Variants in HABP4 observed in about 807,000 individuals in gnomAD.
HABP4 encodes hyaluronan binding protein 4.
HABP4 carries 32 observed loss-of-function variants against 44.1 expected under a neutral mutation model. The ratio of observed to expected loss-of-function variants is 0.73; its 90% CI spans 0.55 to 0.97. The LOEUF is 0.97. Among genes scored for constraint, HABP4 ranks in the 50% least tolerant of loss-of-function variants. HABP4 has a pLI of 0.00. For synonymous variants in HABP4, 216 were observed against 218.0 expected, an observed-to-expected ratio of 0.99 and a Z score of 0.08; for missense variants, 503 against 561.9, an observed-to-expected ratio of 0.90 and a Z score of 1.06.
In HABP4 at chr9:96,465,364, A is replaced by G. The variant is rs1336599444; in HGVS notation, c.540A>G (p.Arg180=). 1.9e-6 allele frequency: 3 copies of G among 1,610,776 alleles called. No individual in the cohort carries two copies. In the South Asian group the frequency reaches 3.3e-5, roughly 18 times the overall value. ...CAGGTGATAGGTTTGATCGAGACAG[A>G]CCGTTGAGAGGACGTGGAGGCCCGA... ...EKPGDRFDRD[R]PLRGRGGPRG... The change falls in exon 3 of 8, where the codon AGA becomes AGG. Residue 180 remains arginine (R), a synonymous_variant. Coordinates refer to ENST00000375249, the MANE Select transcript of HABP4 (RefSeq NM_014282.4).
intron 1 of HABP4, among the ~76,000 whole-genome samples, chr9:96,454,168 A>G (rs1832333428): frequency 6.6e-6 from 1 of 152,210 alleles, no homozygotes; most frequent in Non-Finnish European, 1.5e-5. Context: ...ACTTGGAGGA[A>G]GCAGAAAGGT....
At chr9:96,466,968 G>A (rs1234496924) in intron 4 of HABP4, among the ~76,000 whole-genome samples, 1 of 150,406 alleles carries the variant, frequency 6.6e-6, no homozygotes, top group African/African-American at 2.5e-5. Context: ...TGTCACCCAG[G>A]CTGGAGTGCA....
chr9:96,485,306 C>T (rs890175490), intron 6 of HABP4, among the ~76,000 whole-genome samples: 2 of 152,200 alleles, frequency 1.3e-5, no homozygotes, highest in Non-Finnish European at 2.9e-5. Context: ...CAGCCTCAGC[C>T]TTCTAAAGTG....
rs958295915 is a variant in HABP4, at chr9:96,488,012, C to T, written c.1000-77C>T. On this transcript the variant is annotated intron_variant, in intron 6 of 7. Transcript: ENST00000375249. The surrounding 1 kb of genome is among the most constrained non-coding windows in gnomAD (Gnocchi z 4.6). ...ATGGTGTTTTAGCTCCTGTGTAGCA[C>T]ACTGCAGCCACTAAGCCAGATGAGT... is the stretch of plus-strand genomic sequence containing the variant. 1 of 997,088 alleles carries T rather than the reference C, an allele frequency of 1.0e-6. No homozygotes were observed. Among genetic ancestry groups the T allele is most frequent in the Non-Finnish European group, 1.6e-6 (1 of 631,672 alleles). The allele number at this position is 997,088 out of a possible 1,614,324, so 61.8% of individuals were successfully genotyped here.
intron 1 of HABP4, among the ~76,000 whole-genome samples, chr9:96,456,031 G>T (rs1430917679): frequency 6.6e-6 from 1 of 152,030 alleles, no homozygotes; most frequent in African/African-American, 2.4e-5. Flanking sequence ...CTCCAGCCTG[G>T]GTGACAGAGC....
At chr9:96,486,179 G>A (rs1013580269) in intron 6 of HABP4, among the ~76,000 whole-genome samples, 5 of 152,076 alleles carry the variant, frequency 3.3e-5, no homozygotes, top group African/African-American at 7.2e-5. Context: ...GCAACAAAGT[G>A]AGACTTCGTC....
chr9:96,458,602 A>G (rs1035042929), intron 2 of HABP4, 61 bp downstream of exon 2: 7 of 1,095,376 alleles, frequency 6.4e-6, no homozygotes, highest in Admixed American at 2.3e-5. Context: ...AGAAAATGCT[A>G]CTTTCTTTTT....
Position 96,488,081 on chromosome 9 carries a change from T to C in HABP4, c.1000-8T>C. On this transcript the variant is annotated splice_polypyrimidine_tract_variant and splice_region_variant and intron_variant, in intron 6 of 7. Coordinates refer to ENST00000375249, the MANE Select transcript of HABP4 (RefSeq NM_014282.4). The surrounding 1 kb of genome is among the most constrained non-coding windows in gnomAD (Gnocchi z 4.6). ...TTGTGCGTGTTTGATGCTGTAATTG[T>C]GTTTCAGATGGTAAAAGATGACTAT... The C allele has an allele frequency of 6.2e-7, 1 of 1,603,188 alleles. No homozygotes were observed. Among genetic ancestry groups the C allele is most frequent in the Non-Finnish European group, 8.5e-7 (1 of 1,170,396 alleles).
intron 5 of HABP4, among the ~76,000 whole-genome samples, chr9:96,473,062 C>A (rs1832723012): frequency 6.6e-6 from 1 of 152,196 alleles, no homozygotes; most frequent in Non-Finnish European, 1.5e-5. Context: ...TCTTCAGGGC[C>A]CTGCCTTAGG....
chr9:96,480,816 T>G lies in HABP4; in HGVS notation c.828-3646T>G, dbSNP rs560985859. 1.1e-4 allele frequency among the ~76,000 whole-genome samples: 17 copies of G among 152,352 alleles called. No individual in the cohort carries two copies. The South Asian group carries it at 3.5e-3, about 32-fold the overall frequency. The stretch of plus-strand genomic sequence containing the variant: ...CATGTACTTGTGGAATCCAAACTCC[T>G]GTCGAATACAGAACATTACCAATCA... On this transcript the variant is annotated intron_variant, in intron 5 of 7. Coordinates refer to ENST00000375249, the MANE Select transcript of HABP4 (RefSeq NM_014282.4).
intron 4 of HABP4, among the ~76,000 whole-genome samples, chr9:96,467,963 G>C (rs1037695006): frequency 2.0e-5 from 3 of 152,232 alleles, no homozygotes; most frequent in Admixed American, 6.5e-5. Flanking sequence ...GCCTTGTAAT[G>C]TTAAGAGGTG....
intron 5 of HABP4, among the ~76,000 whole-genome samples, chr9:96,475,898 T>G: frequency 6.6e-6 from 1 of 152,362 alleles, no homozygotes; most frequent in African/African-American, 2.4e-5. Flanking sequence ...GATTTTCTTA[T>G]GTTTTAGGTT....
chr9:96,484,101 T>C (rs544386748), intron 5 of HABP4: 1 of 163,120 alleles, frequency 6.1e-6, no homozygotes, highest in East Asian at 1.8e-4. Flanking sequence ...AAAACTTGTT[T>C]ATGGTTTCCT....
chr9:96,451,564 T>C, intron 1 of HABP4: 1 of 669,766 alleles, frequency 1.5e-6, no homozygotes. Flanking sequence ...CTTGGCTTTA[T>C]TGGTTTGTTC....
chr9:96,468,664 C>T (rs1322583556), intron 4 of HABP4, among the ~76,000 whole-genome samples: 3 of 152,216 alleles, frequency 2.0e-5, no homozygotes, highest in African/African-American at 4.8e-5. Flanking sequence ...AGAGCTAAGA[C>T]TGCAGGCGTG....
chr9:96,456,944 TA>T (rs1249008400), intron 1 of HABP4, among the ~76,000 whole-genome samples: 3 of 151,066 alleles, frequency 2.0e-5, no homozygotes, highest in African/African-American at 7.3e-5. Context: ...TAAATGTATA[TA>T]AAAAAAGATA....
At position 96,490,113 on chromosome 9, in the gene HABP4, G is replaced by A; in HGVS notation, c.*75G>A. ...AGACTTTTCCAGCTGGGCCAAGGGA[G>A]TCAGACTCTAAGAACAATAGATGTT... is the stretch of plus-strand genomic sequence containing the variant. On this transcript the variant is annotated 3_prime_UTR_variant, in exon 8 of 8. Coordinates refer to ENST00000375249, the MANE Select transcript of HABP4 (RefSeq NM_014282.4). 1.1e-6 allele frequency: 1 copy of A among 876,356 alleles called. No homozygotes were observed. Among genetic ancestry groups the A allele is most frequent in the East Asian group, 2.4e-5 (1 of 41,502 alleles). 54.3% of individuals were successfully genotyped at this position (876,356 alleles called of 1,614,324 possible).
intron 2 of HABP4, among the ~76,000 whole-genome samples, chr9:96,459,599 A>G (rs1832464499): frequency 6.6e-6 from 1 of 152,248 alleles, no homozygotes; most frequent in Non-Finnish European, 1.5e-5. Flanking sequence ...AAGGAAGACT[A>G]GAATAGTGAA....
chr9:96,450,969 C>G lies in HABP4; in HGVS notation c.349+341C>G, dbSNP rs1415860490. Among the ~76,000 whole-genome samples, 2 of 152,196 alleles carry G rather than the reference C, an allele frequency of 1.3e-5. No individual in the cohort carries two copies. The highest frequency in any genetic ancestry group is 4.8e-5 in the African/African-American group (2 of 41,446). On this transcript the variant is annotated intron_variant, in intron 1 of 7. Coordinates refer to ENST00000375249, the MANE Select transcript of HABP4 (RefSeq NM_014282.4). This position sits in a 1 kb window ranked among gnomAD's most constrained non-coding sequence, Gnocchi z 4.8. ...TACCCCGGGGCTCCCACATCCAGACCTGGCGGGGACCTTCATCTTCCAGCC... is the reference window on the plus strand; with the variant it reads ...TACCCCGGGGCTCCCACATCCAGACGTGGCGGGGACCTTCATCTTCCAGCC...
Sources: allele counts gnomAD v4.1 joint callset (sites outside exome capture counted in the v4.1 genomes callset), GRCh38; gene constraint gnomAD v4.1.1; non-coding constraint Gnocchi (gnomAD v3.1); transcripts MANE v1.5; gene names NCBI Gene and HGNC (gene_info 2026-07-23, HGNC 2026-07-21).